GTPBP6: variants seen among roughly 807,000 people sequenced by gnomAD.
GTPBP6 encodes the protein GTP binding protein 6, also known as putative GTP-binding protein 6.
A neutral mutation model predicts 28.9 loss-of-function variants in GTPBP6; 33 were observed. The observed-to-expected ratio is 1.14, with a 90% CI of 0.87 to 1.53. GTPBP6 has a LOEUF of 1.53. Ranked by LOEUF, GTPBP6 falls within the 40% of genes most tolerant of loss-of-function variation. GTPBP6 has a pLI of 0.00. For missense variants in GTPBP6, 507 were observed against 408.3 expected, an observed-to-expected ratio of 1.24 and a Z score of -2.08; for synonymous variants, 231 against 192.7, an observed-to-expected ratio of 1.20 and a Z score of -1.65.
exon 7 of GTPBP6, chrX:311,523 A>T: frequency 6.2e-7 from 1 of 1,612,222 alleles, no homozygotes; most frequent in Non-Finnish European, 8.5e-7. Flanking sequence ...GTCATGCGTG[A>T]GGGCAGCGTG....
At chrX:307,242 A>C in intron 9 of GTPBP6, 118 bp downstream of exon 9, 3 of 881,760 alleles carry the variant, frequency 3.4e-6, no homozygotes, top group Non-Finnish European at 5.2e-6. Flanking sequence ...TCTCGTCTGT[A>C]CATCCTAAAG....
chrX:305,104 G>A (rs759606758), exon 10 of GTPBP6: 33 of 1,613,078 alleles, frequency 2.0e-5, no homozygotes, highest in East Asian at 4.5e-5. Context: ...GGAATTTGCC[G>A]TAGGCTGAGT....
chrX:307,950 C>T, intron 7 of GTPBP6, 70 bp from the exon 8 acceptor site: 1 of 1,343,920 alleles, frequency 7.4e-7, no homozygotes, highest in Non-Finnish European at 9.8e-7. Context: ...CAGACAGGCC[C>T]AGGAGAGGGG....
At chrX:305,631 TA>T (rs1304134542) in intron 9 of GTPBP6, among the ~76,000 whole-genome samples, 13 of 114,306 alleles carry the variant, frequency 1.1e-4, no homozygotes, top group African/African-American at 4.3e-4. Flanking sequence ...TTTTATTTTT[TA>T]TTTTTTTTTT....
At chrX:312,547 C>G (rs1257250159) in intron 6 of GTPBP6, 4 of 701,196 alleles carry the variant, frequency 5.7e-6, no homozygotes, top group Non-Finnish European at 1.0e-5. Context: ...CTGCTGTACC[C>G]CACACAGAGA....
rs1320636452 is a variant in GTPBP6 at position 315,730 on chromosome X, G to C, written c.488-431C>G. Among the ~76,000 whole-genome samples, 46 of 8,512 alleles carry C rather than the reference G, an allele frequency of 5.4e-3. 6 individuals carry two copies. Among genetic ancestry groups the C allele is most frequent in the Admixed American group, 8.1e-3 (4 of 492 alleles). The allele number at this position is 8,512 out of a possible 152,430, so 5.6% of individuals were successfully genotyped here. The stretch of plus-strand genomic sequence containing the variant: ...CAGTAAATACATCCCGACAGGGACA[G>C]ACACACACACAGACACATACACAGA... On this transcript the variant is annotated intron_variant, in intron 2 of 9. Coordinates refer to ENST00000326153, the Ensembl canonical transcript of GTPBP6.
At chrX:317,882 C>T (rs2070469937) in intron 1 of GTPBP6, among the ~76,000 whole-genome samples, 1 of 143,612 alleles carries the variant, frequency 7.0e-6, no homozygotes, top group African/African-American at 2.6e-5. Flanking sequence ...CGCCCTTTCA[C>T]CCATGGGCTC....
exon 4 of GTPBP6, chrX:315,012 C>T (rs1386848697): frequency 5.0e-6 from 2 of 398,680 alleles, no homozygotes; most frequent in Admixed American, 4.4e-5. Flanking sequence ...AGGCGGCTTC[C>T]AGTTCTTTCT....
At chrX:314,587 C>G (rs1227320571) in intron 4 of GTPBP6, among the ~76,000 whole-genome samples, 3 of 152,070 alleles carry the variant, frequency 2.0e-5, no homozygotes, top group Admixed American at 1.3e-4. Flanking sequence ...ATTCTCCTGC[C>G]TCAGCCTCCT....
chrX:309,452 C>A (rs760628317), intron 7 of GTPBP6, among the ~76,000 whole-genome samples: 1 of 146,492 alleles, frequency 6.8e-6, no homozygotes, highest in East Asian at 2.1e-4. Context: ...AACGACCGAC[C>A]GGTATGTTTA....
chrX:305,705 A>G (rs1348608006), intron 9 of GTPBP6, among the ~76,000 whole-genome samples: 2 of 146,860 alleles, frequency 1.4e-5, no homozygotes, highest in Admixed American at 6.7e-5. Context: ...GCTCACTGCA[A>G]CCTCGGCCTC....
At chrX:304,971 G>C in exon 10 of GTPBP6, 1 of 1,525,112 alleles carries the variant, frequency 6.6e-7, no homozygotes, top group Non-Finnish European at 8.8e-7. Flanking sequence ...CAGACAAGGA[G>C]GACCCTGCTG....
intron 2 of GTPBP6, 120 bp from the exon 3 acceptor site, chrX:315,419 C>G (rs2070411472): frequency 5.0e-6 from 2 of 398,444 alleles, no homozygotes; most frequent in Admixed American, 4.4e-5. Flanking sequence ...GCATCCCCGA[C>G]TTCCTGAGCA....
exon 9 of GTPBP6, chrX:307,451 C>T (rs768576243): frequency 1.2e-6 from 2 of 1,612,166 alleles, no homozygotes; most frequent in African/African-American, 1.3e-5. Flanking sequence ...GCTTTCAGCT[C>T]CTGGAGCCCG....
intron 6 of GTPBP6, chrX:312,028 A>T (rs1218512005): frequency 2.1e-6 from 1 of 475,118 alleles, no homozygotes; most frequent in Admixed American, 2.6e-5. Context: ...GTGGATATAG[A>T]TACGGCAGTG....
chrX:308,006 G>A, intron 7 of GTPBP6, 126 bp from the exon 8 acceptor site: 1 of 825,380 alleles, frequency 1.2e-6, no homozygotes, highest in Non-Finnish European at 1.7e-6. Context: ...AGGTACGCCT[G>A]TGTGCAGGCC....
chrX:315,688 A>G (rs1170635543), intron 2 of GTPBP6, among the ~76,000 whole-genome samples: 5 of 2,160 alleles, frequency 2.3e-3, no homozygotes, highest in Admixed American at 5.9e-3. Context: ...AAACACATAC[A>G]CACACACACA....
chrX:307,592 C>G, intron 8 of GTPBP6, 80 bp from the exon 9 acceptor site: 5 of 1,506,254 alleles, frequency 3.3e-6, no homozygotes, highest in Non-Finnish European at 4.5e-6. Flanking sequence ...AGTCCACTGC[C>G]CACGGGGCAC....
At chrX:306,572 AT>A (rs1240127071) in intron 9 of GTPBP6, among the ~76,000 whole-genome samples, 1 of 150,894 alleles carries the variant, frequency 6.6e-6, no homozygotes, top group Non-Finnish European at 1.5e-5. Context: ...TCAGAAATGT[AT>A]TTTTACTGTC....
Sources: allele counts gnomAD v4.1 joint callset (sites outside exome capture counted in the v4.1 genomes callset), GRCh38; gene constraint gnomAD v4.1.1; transcripts MANE v1.5; gene names NCBI Gene and HGNC (gene_info 2026-07-23, HGNC 2026-07-21).